Variants in ITIH3 observed in about 807,000 individuals in gnomAD.
The protein encoded by ITIH3 is inter-alpha-trypsin inhibitor heavy chain 3, also known as inter-alpha-trypsin inhibitor heavy chain H3.
A neutral mutation model predicts 96.5 loss-of-function variants in ITIH3; 81 were observed. The ratio of observed to expected loss-of-function variants is 0.84; its 90% CI spans 0.70 to 1.01. The LOEUF (loss-of-function observed/expected upper bound fraction) is 1.01, where lower values mean the gene tolerates loss of function less well. Among genes scored for constraint, ITIH3 ranks in the 50% least tolerant of loss-of-function variants. The pLI is 0.00. For synonymous variants in ITIH3, 422 were observed against 445.2 expected, an observed-to-expected ratio of 0.95 and a Z score of 0.66; for missense variants, 1,057 against 1,139.3, an observed-to-expected ratio of 0.93 and a Z score of 1.04.
At chr3:52,804,039 G>A in intron 14 of ITIH3, 30 bp downstream of exon 14, 2 of 1,599,484 alleles carry the variant, frequency 1.3e-6, no homozygotes, top group East Asian at 2.3e-5. Flanking sequence ...CCGGAACCCG[G>A]AGGCCTCCTG....
chr3:52,801,859 C>T (rs1699842581), intron 11 of ITIH3, among the ~76,000 whole-genome samples: 1 of 152,218 alleles, frequency 6.6e-6, no homozygotes, highest in Non-Finnish European at 1.5e-5. Context: ...CACGTCCTGT[C>T]TTTGCATTTG....
intron 2 of ITIH3, chr3:52,796,190 C>G (rs544847631): frequency 2.8e-6 from 1 of 362,642 alleles, no homozygotes; most frequent in South Asian, 4.0e-5. Context: ...CCACGCATAG[C>G]TGGAGCTCAG....
In ITIH3 at chr3:52,808,790, C is replaced by T. The variant is rs529691363; in HGVS notation, c.*109C>T. Reference sequence around the variant, plus strand: ...GGGCTGGGAAAATAAAGTCCAAGGTCGAGACCAGACAGCTGCCAGCCTCTA... The same window carrying T: ...GGGCTGGGAAAATAAAGTCCAAGGTTGAGACCAGACAGCTGCCAGCCTCTA... On this transcript the variant is annotated 3_prime_UTR_variant, in exon 22 of 22. Coordinates refer to ENST00000449956, the MANE Select transcript of ITIH3 (RefSeq NM_002217.4). 83 of 1,344,688 alleles carry T rather than the reference C, an allele frequency of 6.2e-5. No homozygotes were observed. The highest frequency in any genetic ancestry group is 3.3e-4 in the African/African-American group (23 of 69,628). 83.3% of individuals were successfully genotyped at this position (1,344,688 alleles called of 1,614,324 possible). A position where few individuals can be genotyped will look rare whatever the true frequency, so the allele number is the denominator to read the frequency against.
chr3:52,795,647 G>T, intron 2 of ITIH3, 24 bp downstream of exon 2: 1 of 1,610,022 alleles, frequency 6.2e-7, no homozygotes, highest in South Asian at 1.1e-5. Context: ...CCAGGGGGTG[G>T]GACCGAGTGG....
chr3:52,806,941 C>A lies in ITIH3; in HGVS notation c.2097C>A (p.Gly699=). 6.3e-7 allele frequency: 1 copy of A among 1,592,386 alleles called. No individual in the cohort carries two copies. The highest frequency in any genetic ancestry group is 8.6e-7 in the Non-Finnish European group (1 of 1,169,438). Reference sequence around the variant, plus strand: ...GGCAGATCACTGGCGACAAGAGAGGCAGCCCTGACTCCAAGACCAGAAAGA... The same window carrying A: ...GGCAGATCACTGGCGACAAGAGAGGAAGCCCTGACTCCAAGACCAGAAAGA... The part of the protein sequence containing the change: ...VNGQITGDKR[G]SPDSKTRKTY... The change falls in exon 19 of 22, where the codon GGC becomes GGA. Residue 699 remains glycine (G), a synonymous_variant. Coordinates refer to ENST00000449956, the MANE Select transcript of ITIH3 (RefSeq NM_002217.4).
chr3:52,808,278 C>G (rs547000878), intron 21 of ITIH3, 57 bp downstream of exon 21: 4 of 1,416,374 alleles, frequency 2.8e-6, no homozygotes, highest in Non-Finnish European at 4.0e-6. Context: ...GGAAAGAGCA[C>G]CTGCAGCCCA....
chr3:52,800,024 C>CT, intron 9 of ITIH3, 103 bp downstream of exon 9: 1 of 1,116,136 alleles, frequency 9.0e-7, no homozygotes, highest in Admixed American at 2.4e-5. Context: ...CTCAGGCCCT[C>CT]TTCAGATCTG....
chr3:52,797,337 C>CA, intron 5 of ITIH3, 70 bp downstream of exon 5: 1 of 1,481,246 alleles, frequency 6.8e-7, no homozygotes, highest in African/African-American at 1.4e-5. Flanking sequence ...GGGGCAGTCT[C>CA]AGACAGGGGT....
chr3:52,807,068 T>A lies in ITIH3; in HGVS notation c.2224T>A (p.Phe742Ile), dbSNP rs565086006. 85 of 1,597,720 alleles carry A rather than the reference T, an allele frequency of 5.3e-5. No homozygotes were observed. The South Asian group carries it at 9.4e-4, about 18-fold the overall frequency. Residue 742 changes from phenylalanine to isoleucine, a missense_variant, in exon 19 of 22, where the codon TTC (phenylalanine) becomes ATC (isoleucine). By Grantham distance (21) the Phe-to-Ile change is conservative. Coordinates refer to ENST00000449956, the MANE Select transcript of ITIH3 (RefSeq NM_002217.4). Reference protein sequence around the residue: ...TLWNRAVPSTFSWLDTVTVTQ... With the variant: ...TLWNRAVPSTISWLDTVTVTQ... ...GTGGAACAGGGCCGTGCCGAGCACT[T>A]TCAGCTGGCTGGACACAGTCACAGT... is the stretch of plus-strand genomic sequence containing the variant.
intron 17 of ITIH3, 54 bp from the exon 18 acceptor site, chr3:52,806,239 C>T (rs1700041629): frequency 1.2e-6 from 2 of 1,601,262 alleles, no homozygotes; most frequent in African/African-American, 1.3e-5. Context: ...TGGGGGAGGC[C>T]CCAGGTATGA....
At chr3:52,798,165 C>T (rs552194543) in intron 6 of ITIH3, among the ~76,000 whole-genome samples, 376 of 152,302 alleles carry the variant, frequency 2.5e-3, no homozygotes, top group African/African-American at 8.6e-3. Context: ...AAGCCTGGTC[C>T]CGTTCCCCCT....
intron 19 of ITIH3, 33 bp downstream of exon 19, chr3:52,807,138 T>C (rs1700086862): frequency 1.3e-6 from 2 of 1,541,868 alleles, no homozygotes; most frequent in African/African-American, 2.7e-5. Context: ...CAAGGTGGAC[T>C]ACAGGGTGAG....
Position 52,796,488 on chromosome 3 carries a change from AT to A in ITIH3, c.123del (p.Asn41LysfsTer14), listed in dbSNP as rs1259661633. On this transcript the variant is annotated frameshift_variant, in exon 3 of 22. Transcript: ENST00000449956. LOFTEE classifies it high-confidence loss of function. Reference protein sequence around the residue: ...GKRSLPEGVANGIEVYSTKIN... With the variant: ...GKRSLPEGVAXGIEVYSTKIN... ...CCACCCACCTCCCCAAAGGTGGCCA[AT>A]GGCATCGAGGTCTACAGTACCAAAA... The A allele has an allele frequency of 1.2e-6, 2 of 1,611,756 alleles. No homozygotes were observed. Among genetic ancestry groups the A allele is most frequent in the Non-Finnish European group, 1.7e-6 (2 of 1,179,460 alleles).
In ITIH3 at chr3:52,807,140, C is replaced by T. The variant is rs57640885; in HGVS notation, c.2261+35C>T. ...CCTACAAGGTCTCCAAGGTGGACTA[C>T]AGGGTGAGAGTCTAAGGAGGCTCTT... On this transcript the variant is annotated intron_variant, in intron 19 of 21. Transcript: ENST00000449956. 9.3e-3 allele frequency: 14,342 copies of T among 1,534,908 alleles called. 1,204 individuals carry two copies. The African/African-American group carries it at 0.17, about 18-fold the overall frequency.
Position 52,794,876 on chromosome 3 carries a change from A to G in ITIH3, c.73A>G (p.Ser25Gly), listed in dbSNP as rs774478674. The change falls in exon 1 of 22, where the codon AGC becomes GGC. Residue 25 changes from serine to glycine, a missense_variant. Coordinates refer to ENST00000449956, the MANE Select transcript of ITIH3 (RefSeq NM_002217.4). ...SSLAASGFPR[S>G]PFRLLGKRSL... is the part of the protein sequence containing the mutation. ...CTTGGCAGCCTCTGGCTTCCCGAGA[A>G]GCCCCTTTCGGCTGCTTGGGGTGAG... 31 of 1,613,898 alleles carry G rather than the reference A, an allele frequency of 1.9e-5. 1 individual carries two copies. The South Asian group carries it at 2.1e-4, about 11-fold the overall frequency.
chr3:52,799,204 C>A, intron 7 of ITIH3, 113 bp downstream of exon 7: 1 of 1,364,730 alleles, frequency 7.3e-7, no homozygotes. Flanking sequence ...TGTTTTCCTG[C>A]AGGATGTGGG....
chr3:52,800,614 G>A lies in ITIH3; in HGVS notation c.1152G>A (p.Glu384=). The A allele has an allele frequency of 6.3e-7, 1 of 1,584,790 alleles. No individual in the cohort carries two copies. Among genetic ancestry groups the A allele is most frequent in the Non-Finnish European group, 8.6e-7 (1 of 1,165,382 alleles). ...CCCGAGAGGAGCACAGAATCCCAGA[G>A]AGGAGCACCTCCATTGTCATCATGC... ...NKAREEHRIP[E]RSTSIVIMLT... is the part of the protein sequence containing the mutation. Residue 384 remains glutamate, a synonymous_variant, in exon 10 of 22, where the codon GAG becomes GAA. Transcript: ENST00000449956.
rs1700146441 is a variant in ITIH3 at position 52,808,777 on chromosome 3, T to TA, written c.*99dup. The stretch of plus-strand genomic sequence containing the variant: ...GGGCCTGTGGGAGGGGCTGGGAAAA[T>TA]AAAGTCCAAGGTCGAGACCAGACAG... On this transcript the variant is annotated 3_prime_UTR_variant, in exon 22 of 22. Coordinates refer to ENST00000449956, the MANE Select transcript of ITIH3 (RefSeq NM_002217.4). 3 of 1,494,792 alleles carry TA rather than the reference T, an allele frequency of 2.0e-6. No homozygotes were observed. The African/African-American group carries it at 4.1e-5, about 21-fold the overall frequency. The allele number at this position is 1,494,792 out of a possible 1,614,324, so 92.6% of individuals were successfully genotyped here.
Position 52,799,881 on chromosome 3 carries a change from G to A in ITIH3, c.1035G>A (p.Gln345=). Residue 345 remains glutamine, a synonymous_variant, in exon 9 of 22, where the codon CAG becomes CAA. Transcript: ENST00000449956. ...TCCAGGCCACGCCCGAGAACCTCCA[G>A]GAGGCCAGGACGTTTGTGAAGAGCA... ...HLVQATPENL[Q]EARTFVKSME... is the part of the protein sequence containing the mutation. 1 of 1,613,930 alleles carries A rather than the reference G, an allele frequency of 6.2e-7. No homozygotes were observed. The highest frequency in any genetic ancestry group is 8.5e-7 in the Non-Finnish European group (1 of 1,179,838).
Sources: gnomAD v4.1 joint callset for allele counts (sites outside exome capture counted in the v4.1 genomes callset) on GRCh38, gnomAD v4.1.1 for gene constraint, MANE v1.5 for transcripts, NCBI Gene and HGNC (gene_info 2026-07-23, HGNC 2026-07-21) for gene names.